The following CCDC178 variants were observed in gnomAD, a reference collection of about 807,000 sequenced individuals.
CCDC178 encodes coiled-coil domain-containing protein 178.
CCDC178 carries 126 observed loss-of-function variants against 117.4 expected under a neutral mutation model. The observed-to-expected ratio is 1.07, with a 90% CI of 0.93 to 1.24. CCDC178 has a LOEUF of 1.24. Among genes scored for constraint, CCDC178 ranks in the 50% most tolerant of loss-of-function variants. The pLI, the probability that CCDC178 is intolerant of heterozygous loss-of-function variation, is 0.00. For synonymous variants in CCDC178, 283 were observed against 313.4 expected (o/e 0.90, Z 1.02); for missense variants, 1,030 against 986.9 (o/e 1.04, Z -0.59).
chr18:33,033,303 A>G (rs906643642), intron 21 of CCDC178, among the ~76,000 whole-genome samples: 1 of 152,070 alleles, frequency 6.6e-6, no homozygotes, highest in African/African-American at 2.4e-5. Context: ...AGCCTTTGAG[A>G]AAAAATATTT....
chr18:33,323,818 T>C (rs2062549678), intron 10 of CCDC178, among the ~76,000 whole-genome samples, 185 bp from the exon 11 acceptor site: 1 of 151,858 alleles, frequency 6.6e-6, no homozygotes, highest in Non-Finnish European at 1.5e-5. Context: ...AATGTATAAA[T>C]GTTACTGAAC....
intron 7 of CCDC178, among the ~76,000 whole-genome samples, chr18:33,352,866 A>G (rs879804866): frequency 6.6e-6 from 1 of 152,114 alleles, no homozygotes; most frequent in Non-Finnish European, 1.5e-5. Flanking sequence ...CCATGTGCAC[A>G]TGAGAAGAAT....
At chr18:33,094,757 C>T (rs1024213384) in intron 20 of CCDC178, among the ~76,000 whole-genome samples, 3 of 151,884 alleles carry the variant, frequency 2.0e-5, no homozygotes, top group African/African-American at 7.2e-5. Flanking sequence ...TTATATATCG[C>T]AATTAGAATA....
At chr18:33,262,313 A>G (rs559470015) in intron 14 of CCDC178, among the ~76,000 whole-genome samples, 22 of 152,190 alleles carry the variant, frequency 1.4e-4, no homozygotes, top group Non-Finnish European at 2.5e-4. Context: ...TGATTTCCAG[A>G]TACTTACATT....
chr18:33,011,349 T>A (rs533060785), intron 21 of CCDC178, among the ~76,000 whole-genome samples: 1 of 152,258 alleles, frequency 6.6e-6, no homozygotes, highest in South Asian at 2.1e-4. Context: ...CTGCAATAAC[T>A]AAAGCAAAGC....
intron 21 of CCDC178, among the ~76,000 whole-genome samples, chr18:33,049,770 C>T (rs2056711515): frequency 6.6e-6 from 1 of 152,172 alleles, no homozygotes; most frequent in African/African-American, 2.4e-5. Flanking sequence ...GAATTGTTTC[C>T]TAACAATACT....
chr18:33,423,186 CAATTTAAATTCCT>C (rs1323440452), intron 2 of CCDC178, among the ~76,000 whole-genome samples: 3 of 152,102 alleles, frequency 2.0e-5, no homozygotes, highest in Non-Finnish European at 4.4e-5. Flanking sequence ...GTTAATAATA[CAATTTAAATTCCT>C]ATTCAGTCCT....
chr18:33,305,408 G>A (rs6507009), intron 11 of CCDC178, among the ~76,000 whole-genome samples: 138,344 of 152,120 alleles, frequency 0.91, 63,049 homozygotes, highest in East Asian at 1. Context: ...GTTGTGCACA[G>A]GGATGCCTGG....
intron 21 of CCDC178, among the ~76,000 whole-genome samples, chr18:33,077,166 T>C (rs781334092): frequency 1.3e-5 from 2 of 152,226 alleles, no homozygotes; most frequent in Non-Finnish European, 2.9e-5. Flanking sequence ...GAGACAGTTA[T>C]ACCCTGTATA....
At chr18:33,320,347 T>C (rs940184914) in intron 11 of CCDC178, among the ~76,000 whole-genome samples, 1 of 152,138 alleles carries the variant, frequency 6.6e-6, no homozygotes, top group African/African-American at 2.4e-5. Context: ...GAAAACCCCA[T>C]CGTTTCAGCC....
At chr18:33,179,023 T>C (rs1160649021) in intron 20 of CCDC178, among the ~76,000 whole-genome samples, 35 of 124,438 alleles carry the variant, frequency 2.8e-4, no homozygotes, top group Admixed American at 2.5e-3. Context: ...AACTGTTTAA[T>C]GAATTTATTC....
intron 21 of CCDC178, among the ~76,000 whole-genome samples, chr18:33,075,095 T>C (rs73417441): frequency 6.6e-6 from 1 of 152,094 alleles, no homozygotes; most frequent in East Asian, 1.9e-4. Context: ...CTTAAACAGG[T>C]AGAAAGACAT....
intron 21 of CCDC178, among the ~76,000 whole-genome samples, chr18:33,026,699 T>C (rs2056236616): frequency 1.3e-5 from 2 of 151,688 alleles, no homozygotes; most frequent in East Asian, 1.9e-4. Flanking sequence ...TAGAAGTAAA[T>C]GAATGGTAGA....
intron 15 of CCDC178, among the ~76,000 whole-genome samples, chr18:33,232,746 C>A (rs2059381726): frequency 1.3e-5 from 2 of 152,194 alleles, no homozygotes; most frequent in South Asian, 4.1e-4. Flanking sequence ...TACAAATATT[C>A]AAATCCACAG....
At chr18:33,075,214 C>A (rs575493881) in intron 21 of CCDC178, among the ~76,000 whole-genome samples, 1 of 152,090 alleles carries the variant, frequency 6.6e-6, no homozygotes, top group Non-Finnish European at 1.5e-5. Context: ...CTGTGTATAA[C>A]CTACTATCAC....
At chr18:33,355,742 T>C (rs2063046342) in intron 7 of CCDC178, among the ~76,000 whole-genome samples, 1 of 152,214 alleles carries the variant, frequency 6.6e-6, no homozygotes, top group South Asian at 2.1e-4. Flanking sequence ...CTTTAAATGC[T>C]TTTTGCAAAC....
intron 21 of CCDC178, among the ~76,000 whole-genome samples, chr18:33,036,357 C>T (rs1490546696): frequency 6.6e-6 from 1 of 151,576 alleles, no homozygotes; most frequent in Admixed American, 6.6e-5. Context: ...TCATTATTTG[C>T]CAGACCTTGT....
At chr18:33,340,377 A>C (rs2062801077) in intron 9 of CCDC178, among the ~76,000 whole-genome samples, 1 of 152,164 alleles carries the variant, frequency 6.6e-6, no homozygotes, top group African/African-American at 2.4e-5. Context: ...AAGTTCAGAA[A>C]ATTTGCAGCC....
intron 20 of CCDC178, among the ~76,000 whole-genome samples, chr18:33,167,843 G>C (rs533116791): frequency 6.6e-6 from 1 of 151,374 alleles, no homozygotes; most frequent in Admixed American, 6.6e-5. Flanking sequence ...CTCCAGCCTG[G>C]GTGAGAGAGT....
Sources: allele counts gnomAD v4.1 joint callset (sites outside exome capture counted in the v4.1 genomes callset), GRCh38; gene constraint gnomAD v4.1.1; transcripts MANE v1.5; gene names NCBI Gene and HGNC (gene_info 2026-07-23, HGNC 2026-07-21).